Variants in S100A13 observed in about 807,000 individuals in gnomAD.
S100A13 encodes S100 calcium binding protein A13, also known as protein S100-A13.
A neutral mutation model predicts 8.2 loss-of-function variants in S100A13; 6 were observed. The ratio of observed to expected loss-of-function variants is 0.73; its 90% CI spans 0.40 to 1.44. The LOEUF (loss-of-function observed/expected upper bound fraction) is 1.44. Ranked by LOEUF, S100A13 falls within the 40% of genes most tolerant of loss-of-function variation. S100A13 has a pLI of 0.02. For missense variants in S100A13, 114 were observed against 113.6 expected, an observed-to-expected ratio of 1.00 and a Z score of -0.02; for synonymous variants, 39 against 45.9, an observed-to-expected ratio of 0.85 and a Z score of 0.61.
In S100A13 at chr1:153,625,416, G is replaced by C. The variant is rs560393506; in HGVS notation, c.153+904C>G. Among the ~76,000 whole-genome samples, 386 of 152,320 alleles carry C rather than the reference G, an allele frequency of 2.5e-3. 3 individuals carry two copies. The highest frequency in any genetic ancestry group is 4.5e-3 in the Non-Finnish European group (306 of 68,032). The stretch of plus-strand genomic sequence containing the variant: ...ACCAGGCCTCTTCGAGGCCAGAGTC[G>C]ATGAAATTTAAGACCTGACTCCAGC... On this transcript the variant is annotated intron_variant, in intron 2 of 2. Transcript: ENST00000476133.
Position 153,618,875 on chromosome 1 carries a change from C to G in S100A13, c.*20G>C, listed in dbSNP as rs549512854. On this transcript the variant is annotated 3_prime_UTR_variant, in exon 3 of 3. Coordinates refer to ENST00000476133, the MANE Select transcript of S100A13 (RefSeq NM_001024211.2). Reference sequence around the variant, plus strand: ...CCCTGATCAGCTCTGCCCTGCCCACCCCATCTCAGCCAGGCGGCTTTACTT... The same window carrying G: ...CCCTGATCAGCTCTGCCCTGCCCACGCCATCTCAGCCAGGCGGCTTTACTT... The G allele has an allele frequency of 6.2e-7, 1 of 1,613,344 alleles. No individual in the cohort carries two copies. The highest frequency in any genetic ancestry group is 8.5e-7 in the Non-Finnish European group (1 of 1,179,728).
intron 1 of S100A13, 136 bp from the exon 2 acceptor site, chr1:153,626,669 A>G: frequency 1.8e-6 from 1 of 545,436 alleles, no homozygotes; most frequent in Non-Finnish European, 3.3e-6. Context: ...GGGAGAGGAC[A>G]GGGGTTGAGC....
upstream of S100A13, among the ~76,000 whole-genome samples, chr1:153,632,546 C>T (rs1279510275): frequency 6.6e-6 from 1 of 152,112 alleles, no homozygotes; most frequent in Non-Finnish European, 1.5e-5. Context: ...GCTGAGATTA[C>T]AGGCATGAGC....
upstream of S100A13, among the ~76,000 whole-genome samples, chr1:153,632,610 G>A (rs1328213178): frequency 6.6e-6 from 1 of 152,088 alleles, no homozygotes; most frequent in South Asian, 2.1e-4. Flanking sequence ...TTACTTAAGT[G>A]GTACTATGTG....
upstream of S100A13, chr1:153,631,505 C>G (rs565436117): frequency 6.2e-7 from 1 of 1,611,782 alleles, no homozygotes; most frequent in African/African-American, 1.3e-5. Flanking sequence ...ATTATTCATT[C>G]TGCCAGGTGA....
chr1:153,626,211 C>T, intron 2 of S100A13, 109 bp downstream of exon 2: 2 of 983,722 alleles, frequency 2.0e-6, no homozygotes, highest in East Asian at 2.4e-5. Context: ...CATGCAGCCA[C>T]CCACACCCTT....
upstream of S100A13, chr1:153,627,549 A>G: frequency 6.5e-6 from 1 of 154,512 alleles, no homozygotes; most frequent in South Asian, 2.0e-4. Context: ...GCGGGGAAGG[A>G]GGAGAGAGCT....
chr1:153,626,481 T>C lies in S100A13; in HGVS notation c.-9A>G. On this transcript the variant is annotated 5_prime_UTR_variant, in exon 2 of 3. Transcript: ENST00000476133. The stretch of plus-strand genomic sequence containing the variant: ...AGTGGTTCTGCTGCCATTAGGACCC[T>C]GAGGCCAAAGCTGATGTCCTCAAGG... 6.2e-7 allele frequency: 1 copy of C among 1,613,884 alleles called. No homozygotes were observed. Among genetic ancestry groups the C allele is most frequent in the South Asian group, 1.1e-5 (1 of 91,074 alleles).
At chr1:153,631,095 A>G (rs1667985511), upstream of S100A13, 1 of 300,142 alleles carries the variant, frequency 3.3e-6, no homozygotes, top group Non-Finnish European at 6.2e-6. Flanking sequence ...AAATGCAGAC[A>G]TTTTAGGAGG....
At chr1:153,624,822 T>C (rs976698316) in intron 2 of S100A13, among the ~76,000 whole-genome samples, 8 of 152,004 alleles carry the variant, frequency 5.3e-5, no homozygotes, top group African/African-American at 1.9e-4. Flanking sequence ...CGCCTGTAAT[T>C]CCAGCACTTT....
At chr1:153,630,623 G>A (rs769258553), upstream of S100A13, 1 of 1,614,124 alleles carries the variant, frequency 6.2e-7, no homozygotes, top group African/African-American at 1.3e-5. Context: ...AGAAGGAGCT[G>A]AAAGAGCTGC....
At chr1:153,622,925 C>CA (rs1304752699) in intron 2 of S100A13, among the ~76,000 whole-genome samples, 1 of 151,968 alleles carries the variant, frequency 6.6e-6, no homozygotes, top group Non-Finnish European at 1.5e-5. Flanking sequence ...CCTGTCTCTA[C>CA]AAAAAAATTA....
At chr1:153,630,893 A>G (rs1462075102), upstream of S100A13, 3 of 516,236 alleles carry the variant, frequency 5.8e-6, no homozygotes, top group Admixed American at 7.0e-5. Context: ...AGATTCATCA[A>G]TAATAAGACA....
At chr1:153,630,850 T>A (rs1229602623), upstream of S100A13, among the ~76,000 whole-genome samples, 1 of 152,246 alleles carries the variant, frequency 6.6e-6, no homozygotes, top group Non-Finnish European at 1.5e-5. Flanking sequence ...TGCCCTGGTT[T>A]ATTGATCACC....
At chr1:153,626,673 G>C in intron 1 of S100A13, 140 bp from the exon 2 acceptor site, 1 of 535,172 alleles carries the variant, frequency 1.9e-6, no homozygotes, top group Non-Finnish European at 3.3e-6. Context: ...GAGGACAGGG[G>C]TTGAGCTTGG....
intron 2 of S100A13, among the ~76,000 whole-genome samples, chr1:153,621,027 A>T (rs1317094850): frequency 4.1e-5 from 6 of 145,678 alleles, no homozygotes; most frequent in Non-Finnish European, 8.9e-5. Context: ...CAGGGATATT[A>T]AAAAAAACCT....
upstream of S100A13, chr1:153,631,900 C>T: frequency 6.3e-7 from 1 of 1,583,348 alleles, no homozygotes; most frequent in South Asian, 1.2e-5. Flanking sequence ...TGCCTCTTCC[C>T]CCTGCTTCCA....
upstream of S100A13, chr1:153,632,014 A>G: frequency 1.5e-6 from 1 of 649,544 alleles, no homozygotes; most frequent in Non-Finnish European, 2.5e-6. Flanking sequence ...CTCATCTTTC[A>G]TTAAAGGCTT....
chr1:153,629,597 C>G (rs1209430878), upstream of S100A13: 1 of 152,616 alleles, frequency 6.6e-6, no homozygotes, highest in East Asian at 1.9e-4. Flanking sequence ...TCTCTCCCAG[C>G]CCCTTGAACT....
Sources: gnomAD v4.1 joint callset for allele counts (sites outside exome capture counted in the v4.1 genomes callset) on GRCh38, gnomAD v4.1.1 for gene constraint, MANE v1.5 for transcripts, NCBI Gene and HGNC (gene_info 2026-07-23, HGNC 2026-07-21) for gene names.